DPYD: variants seen among roughly 807,000 people sequenced by gnomAD.
DPYD encodes the protein dihydropyrimidine dehydrogenase [NADP(+)].
In DPYD, 109 loss-of-function variants were observed where a neutral mutation model predicts 116.2. That is an observed-to-expected ratio of 0.94 (90% CI 0.80 to 1.10). The LOEUF is 1.10. Among genes scored for constraint, DPYD ranks in the 50% least tolerant of loss-of-function variants. DPYD has a pLI of 0.00. For synonymous variants in DPYD, 440 were observed against 432.0 expected, an observed-to-expected ratio of 1.02 and a Z score of -0.23; for missense variants, 1,302 against 1,254.5, an observed-to-expected ratio of 1.04 and a Z score of -0.57.
chr1:97,838,821 C>T (rs943612066), intron 2 of DPYD, among the ~76,000 whole-genome samples: 1 of 151,734 alleles, frequency 6.6e-6, no homozygotes, highest in Admixed American at 6.6e-5. Flanking sequence ...GTCCGCAGTC[C>T]GGCCTGGGCG....
chr1:97,487,533 T>C (rs561797083), intron 13 of DPYD, among the ~76,000 whole-genome samples: 116 of 151,776 alleles, frequency 7.6e-4, no homozygotes, highest in African/African-American at 2.5e-3. Flanking sequence ...ATTAGCCGGG[T>C]GTGGTGGCGG....
intron 8 of DPYD, among the ~76,000 whole-genome samples, chr1:97,643,033 C>G (rs1658029156): frequency 6.6e-6 from 1 of 151,940 alleles, no homozygotes; most frequent in Non-Finnish European, 1.5e-5. Context: ...TGGACAAAGA[C>G]TTCATGACTA....
intron 16 of DPYD, among the ~76,000 whole-genome samples, chr1:97,311,910 C>T (rs1667544236): frequency 6.6e-6 from 1 of 151,542 alleles, no homozygotes; most frequent in South Asian, 2.1e-4. Flanking sequence ...GGTGATAAAA[C>T]TACGAAGAAA....
At chr1:97,260,324 G>T (rs946007976) in intron 18 of DPYD, among the ~76,000 whole-genome samples, 1 of 151,890 alleles carries the variant, frequency 6.6e-6, no homozygotes, top group African/African-American at 2.4e-5. Flanking sequence ...TAAATATTTA[G>T]TTTTTAAGAT....
intron 14 of DPYD, among the ~76,000 whole-genome samples, chr1:97,414,233 T>C (rs1267742973): frequency 1.3e-5 from 2 of 152,146 alleles, no homozygotes; most frequent in Non-Finnish European, 2.9e-5. Flanking sequence ...TCTAGGAAAA[T>C]GCCTTCTTTT....
chr1:97,780,939 G>A (rs538259770), intron 3 of DPYD, among the ~76,000 whole-genome samples: 8 of 152,114 alleles, frequency 5.3e-5, no homozygotes, highest in East Asian at 3.8e-4. Flanking sequence ...AAATATGAAC[G>A]TATCTTTAAC....
intron 13 of DPYD, among the ~76,000 whole-genome samples, chr1:97,489,469 G>T (rs1407499979): frequency 6.6e-6 from 1 of 152,166 alleles, no homozygotes; most frequent in East Asian, 1.9e-4. Flanking sequence ...AGGAATAAAA[G>T]TAATACTGGA....
intron 8 of DPYD, among the ~76,000 whole-genome samples, chr1:97,601,597 C>G (rs114448991): frequency 0.013 from 1,994 of 152,030 alleles, 23 homozygotes; most frequent in Middle Eastern, 0.024. Context: ...CGCAGTTCCA[C>G]AATGGATTAT....
intron 18 of DPYD, among the ~76,000 whole-genome samples, chr1:97,270,707 T>C (rs1664523659): frequency 6.6e-6 from 1 of 152,186 alleles, no homozygotes; most frequent in South Asian, 2.1e-4. Flanking sequence ...GGGACAAAGA[T>C]AAACTTTGTC....
At chr1:97,796,189 C>A (rs1343518016) in intron 3 of DPYD, among the ~76,000 whole-genome samples, 1 of 152,018 alleles carries the variant, frequency 6.6e-6, no homozygotes, top group Non-Finnish European at 1.5e-5. Flanking sequence ...TCACACATAT[C>A]TCTTTTAATC....
intron 16 of DPYD, among the ~76,000 whole-genome samples, chr1:97,315,964 A>C (rs1358672357): frequency 2.0e-5 from 3 of 151,986 alleles, no homozygotes; most frequent in Non-Finnish European, 4.4e-5. Context: ...ATCCTTAAAG[A>C]GTTTGGACAC....
chr1:97,527,990 G>C lies in DPYD; in HGVS notation c.1525-12049C>G, dbSNP rs117327580. Among the ~76,000 whole-genome samples, 159 of 152,176 alleles carry C rather than the reference G, an allele frequency of 1.0e-3. 2 individuals are homozygous for C. The East Asian group carries it at 0.016, about 15-fold the overall frequency. ...ACAACGGGCCCTATCTTGGAGTACAGCTGCTATAGAAACATCCATTCTGAA... is the reference window on the plus strand; with the variant it reads ...ACAACGGGCCCTATCTTGGAGTACACCTGCTATAGAAACATCCATTCTGAA... On this transcript the variant is annotated intron_variant, in intron 12 of 22. Coordinates refer to ENST00000370192, the MANE Select transcript of DPYD (RefSeq NM_000110.4).
intron 16 of DPYD, among the ~76,000 whole-genome samples, chr1:97,327,986 G>A (rs1668792575): frequency 6.6e-6 from 1 of 152,072 alleles, no homozygotes; most frequent in South Asian, 2.1e-4. Flanking sequence ...CTCTGGGCCT[G>A]GCACAAGCAG....
At chr1:97,352,315 T>C (rs1276755564) in intron 16 of DPYD, among the ~76,000 whole-genome samples, 1 of 152,228 alleles carries the variant, frequency 6.6e-6, no homozygotes, top group Non-Finnish European at 1.5e-5. Context: ...TGGTTCCCAG[T>C]GTCTCTAACA....
chr1:97,471,761 T>G (rs1429631371), intron 13 of DPYD, among the ~76,000 whole-genome samples: 1 of 152,086 alleles, frequency 6.6e-6, no homozygotes, highest in Non-Finnish European at 1.5e-5. Context: ...AGCTAATTTT[T>G]GTATTTTTAG....
At chr1:97,206,687 T>TATATATAAAA (rs539927395) in intron 19 of DPYD, among the ~76,000 whole-genome samples, 6 of 71,582 alleles carry the variant, frequency 8.4e-5, no homozygotes, top group Admixed American at 1.8e-4. Flanking sequence ...TATATATATA[T>TATATATAAAA]AATCTATATG....
rs552381756 is a variant in DPYD, at chr1:97,910,187, A to T, written c.39+10697T>A. On this transcript the variant is annotated intron_variant, in intron 1 of 22. Coordinates refer to ENST00000370192, the MANE Select transcript of DPYD (RefSeq NM_000110.4). The stretch of plus-strand genomic sequence containing the variant: ...TCTGAAATTACTGTATATTAAAGAA[A>T]TTTTTTTTACTATTGTTCCTCCATT... Among the ~76,000 whole-genome samples, 26 of 152,108 alleles carry T rather than the reference A, an allele frequency of 1.7e-4. No homozygotes were observed. In the East Asian group the frequency reaches 4.3e-3, roughly 25 times the overall value.
chr1:97,739,162 A>T (rs898321129), intron 4 of DPYD, among the ~76,000 whole-genome samples: 1 of 152,146 alleles, frequency 6.6e-6, no homozygotes, highest in African/African-American at 2.4e-5. Context: ...ATGTGATTTT[A>T]TAAATAGCAG....
intron 2 of DPYD, among the ~76,000 whole-genome samples, chr1:97,830,628 T>C (rs1669492065): frequency 6.6e-6 from 1 of 151,484 alleles, no homozygotes; most frequent in Non-Finnish European, 1.5e-5. Flanking sequence ...GAGAATTCCT[T>C]GAACCTGGGA....
Sources: allele counts gnomAD v4.1 joint callset (sites outside exome capture counted in the v4.1 genomes callset), GRCh38; gene constraint gnomAD v4.1.1; transcripts MANE v1.5; gene names NCBI Gene and HGNC (gene_info 2026-07-23, HGNC 2026-07-21).